The following NT5C1B variants were observed in gnomAD, a reference collection of about 807,000 sequenced individuals.
The protein encoded by NT5C1B is 5'-nucleotidase, cytosolic IB, also known as cytosolic 5'-nucleotidase 1B.
NT5C1B carries 44 observed loss-of-function variants against 57.8 expected under a neutral mutation model. The ratio of observed to expected loss-of-function variants is 0.76; its 90% confidence interval spans 0.60 to 0.98. The LOEUF (loss-of-function observed/expected upper bound fraction) is 0.98. Among genes scored for constraint, NT5C1B ranks in the 50% least tolerant of loss-of-function variants. The pLI is 0.00. For synonymous variants in NT5C1B, 284 were observed against 282.6 expected (o/e 1.00, Z -0.05); for missense variants, 742 against 719.5 (o/e 1.03, Z -0.36).
At chr2:18,577,761 A>C (rs1375235873) in intron 6 of NT5C1B, among the ~76,000 whole-genome samples, 1 of 152,066 alleles carries the variant, frequency 6.6e-6, no homozygotes, top group Non-Finnish European at 1.5e-5. Flanking sequence ...AACCATAATC[A>C]GAGCTGAACT....
chr2:18,570,814 G>A (rs761903909), intron 8 of NT5C1B, among the ~76,000 whole-genome samples: 1 of 152,142 alleles, frequency 6.6e-6, no homozygotes, highest in Non-Finnish European at 1.5e-5. Flanking sequence ...ATTGGATTCA[G>A]CGATATATGA....
chr2:18,575,436 TTTAAC>T (rs1166234954), intron 8 of NT5C1B, among the ~76,000 whole-genome samples: 3 of 152,128 alleles, frequency 2.0e-5, no homozygotes, highest in African/African-American at 7.2e-5. Flanking sequence ...AATATTTAAG[TTTAAC>T]TTAAGTTCAG....
At chr2:18,566,764 CA>C (rs1468982310) in intron 8 of NT5C1B, among the ~76,000 whole-genome samples, 3 of 152,084 alleles carry the variant, frequency 2.0e-5, no homozygotes, top group Non-Finnish European at 4.4e-5. Flanking sequence ...GGGAAGCTTA[CA>C]AAAAGCAAAT....
At chr2:18,573,147 G>A (rs538846861) in intron 8 of NT5C1B, among the ~76,000 whole-genome samples, 1 of 152,218 alleles carries the variant, frequency 6.6e-6, no homozygotes, top group Admixed American at 6.5e-5. Flanking sequence ...TACATGCAAT[G>A]ACATGCATTA....
chr2:18,570,366 A>G (rs1208942069), intron 8 of NT5C1B, among the ~76,000 whole-genome samples: 1 of 152,060 alleles, frequency 6.6e-6, no homozygotes, highest in Non-Finnish European at 1.5e-5. Flanking sequence ...AACAAAAAAG[A>G]AAAGACACAA....
At chr2:18,576,916 C>T in intron 6 of NT5C1B, 21 bp from the exon 7 acceptor site, 1 of 1,612,660 alleles carries the variant, frequency 6.2e-7, no homozygotes, top group Non-Finnish European at 8.5e-7. Context: ...GCAAGAAAGA[C>T]TTTGTTATGA....
chr2:18,586,824 A>C, intron 2 of NT5C1B: 3 of 1,240,136 alleles, frequency 2.4e-6, no homozygotes, highest in Non-Finnish European at 3.3e-6. Context: ...GGGGGACTCT[A>C]AGGCAGCTGC....
intron 8 of NT5C1B, among the ~76,000 whole-genome samples, chr2:18,568,089 C>CACACAT (rs1352762405): frequency 0.021 from 2,474 of 120,208 alleles, 69 homozygotes; most frequent in African/African-American, 0.08. Context: ...TGCTGTGGGA[C>CACACAT]ACACACACAC....
At chr2:18,566,831 A>G (rs1160165977) in intron 8 of NT5C1B, among the ~76,000 whole-genome samples, 1 of 152,226 alleles carries the variant, frequency 6.6e-6, no homozygotes, top group African/African-American at 2.4e-5. Flanking sequence ...AATCTAAAAA[A>G]TAACTTTTCT....
At position 18,588,009 on chromosome 2, in the gene NT5C1B, A is replaced by G. The variant is rs114635866; in HGVS notation, c.31-417T>C. Among the ~76,000 whole-genome samples, 662 of 152,260 alleles carry G rather than the reference A, an allele frequency of 4.3e-3. 6 individuals carry two copies. The highest frequency in any genetic ancestry group is 0.015 in the African/African-American group (616 of 41,540). On this transcript the variant is annotated intron_variant, in intron 1 of 8. Transcript: ENST00000304081. ...ATTTTTTCTTGTTTTCATCATCACT[A>G]CAGCTCAAACTTTTTGTGGCTCTAG... is the stretch of plus-strand genomic sequence containing the variant.
intron 1 of NT5C1B, among the ~76,000 whole-genome samples, chr2:18,588,268 G>T (rs970288994): frequency 3.3e-5 from 5 of 152,328 alleles, no homozygotes; most frequent in South Asian, 4.1e-4. Context: ...ATTTGGAGGA[G>T]ATACTTATTG....
chr2:18,584,073 C>T lies in NT5C1B; in HGVS notation c.891+15G>A. ...ATCGAGTGTCCTGGCGGGCCAAAGA[C>T]AGCTTGCAGAATACCTTGACGAAGC... On this transcript the variant is annotated intron_variant, in intron 5 of 8. Transcript: ENST00000304081. This position sits in a 1 kb window ranked among gnomAD's most constrained non-coding sequence, Gnocchi z 5.8. 1.2e-6 allele frequency: 2 copies of T among 1,614,212 alleles called. No homozygotes were observed. Among genetic ancestry groups the T allele is most frequent in the South Asian group, 2.2e-5 (2 of 91,090 alleles).
At chr2:18,583,603 A>C (rs1666379827) in intron 5 of NT5C1B, 1 of 338,872 alleles carries the variant, frequency 3.0e-6, no homozygotes, top group African/African-American at 2.1e-5. Flanking sequence ...AGCAGATCAA[A>C]GTTGTAAGTG....
At chr2:18,573,900 A>G (rs184375820) in intron 8 of NT5C1B, among the ~76,000 whole-genome samples, 43 of 152,314 alleles carry the variant, frequency 2.8e-4, no homozygotes, top group Admixed American at 1.3e-3. Flanking sequence ...TATTCCTGCA[A>G]TAAGTAGGGT....
intron 6 of NT5C1B, 142 bp from the exon 7 acceptor site, chr2:18,577,037 T>C: frequency 1.4e-6 from 2 of 1,405,912 alleles, no homozygotes; most frequent in Non-Finnish European, 1.9e-6. Context: ...GAAAGTTACC[T>C]TAGAAATAAA....
intron 8 of NT5C1B, among the ~76,000 whole-genome samples, chr2:18,568,857 A>G (rs1419021523): frequency 6.6e-6 from 1 of 152,174 alleles, no homozygotes; most frequent in Non-Finnish European, 1.5e-5. Context: ...TTCATGTTAC[A>G]TATGTTGATT....
intron 8 of NT5C1B, among the ~76,000 whole-genome samples, chr2:18,575,704 T>G (rs945722139): frequency 7.9e-5 from 12 of 152,210 alleles, no homozygotes; most frequent in Admixed American, 7.9e-4. Flanking sequence ...ATTCATAATT[T>G]GCACTTGTTT....
At chr2:18,571,610 A>G (rs953970630) in intron 8 of NT5C1B, among the ~76,000 whole-genome samples, 3 of 151,016 alleles carry the variant, frequency 2.0e-5, no homozygotes. Flanking sequence ...TAAAATAAAA[A>G]TAAAAAATTC....
chr2:18,577,800 C>T (rs1420765633), intron 6 of NT5C1B, among the ~76,000 whole-genome samples: 2 of 150,806 alleles, frequency 1.3e-5, no homozygotes, highest in African/African-American at 4.9e-5. Context: ...AAAAAATATA[C>T]AAAAGATCAA....
Sources: gnomAD v4.1 joint callset for allele counts (sites outside exome capture counted in the v4.1 genomes callset) on GRCh38, gnomAD v4.1.1 for gene constraint, Gnocchi (gnomAD v3.1) non-coding constraint, MANE v1.5 for transcripts, NCBI Gene and HGNC (gene_info 2026-07-23, HGNC 2026-07-21) for gene names.